The following ITGAM variants were observed in gnomAD, a reference collection of about 807,000 sequenced individuals.
ITGAM encodes the protein integrin subunit alpha M.
In ITGAM, 79 loss-of-function variants were observed where a neutral mutation model predicts 137.5. The observed-to-expected ratio is 0.57, with a 90% CI of 0.48 to 0.69. The LOEUF (loss-of-function observed/expected upper bound fraction) is 0.69. ITGAM is among the 30% of genes least tolerant of loss of function. ITGAM has a pLI of 0.00. For synonymous variants in ITGAM, 583 were observed against 592.3 expected, an observed-to-expected ratio of 0.98 and a Z score of 0.23; for missense variants, 1,343 against 1,483.5, an observed-to-expected ratio of 0.91 and a Z score of 1.56.
intron 14 of ITGAM, among the ~76,000 whole-genome samples, chr16:31,306,429 TG>T (rs1282840270): frequency 1.3e-5 from 2 of 152,274 alleles, no homozygotes; most frequent in Admixed American, 6.5e-5. Context: ...TAGAAATTTT[TG>T]ATAAGAATAT....
intron 5 of ITGAM, among the ~76,000 whole-genome samples, chr16:31,269,580 G>T (rs1408401279): frequency 6.6e-6 from 1 of 152,190 alleles, no homozygotes; most frequent in African/African-American, 2.4e-5. Context: ...ATTTTGCAAA[G>T]GCGGTTTCAG....
chr16:31,270,154 T>C (rs1257339149), intron 5 of ITGAM, among the ~76,000 whole-genome samples: 1 of 72,550 alleles, frequency 1.4e-5, no homozygotes, highest in Non-Finnish European at 2.9e-5. Flanking sequence ...TTTCCTTTCC[T>C]TTCCTTTCCT....
chr16:31,330,254 G>A, intron 26 of ITGAM, 54 bp from the exon 27 acceptor site: 1 of 1,588,156 alleles, frequency 6.3e-7, no homozygotes, highest in Non-Finnish European at 8.6e-7. Context: ...ACGGGGAGGG[G>A]TGTTCTCTGC....
chr16:31,266,260 A>T (rs1171991537), intron 5 of ITGAM, 113 bp downstream of exon 5: 1 of 714,694 alleles, frequency 1.4e-6, no homozygotes, highest in African/African-American at 1.8e-5. Flanking sequence ...GAGTGGGGGA[A>T]CTGGGTCCCA....
At chr16:31,300,589 TC>T (rs1336735023) in intron 14 of ITGAM, among the ~76,000 whole-genome samples, 2 of 152,166 alleles carry the variant, frequency 1.3e-5, no homozygotes, top group African/African-American at 4.8e-5. Context: ...AAAAAATGTC[TC>T]TTCAAGCCCT....
At chr16:31,298,030 C>T in intron 14 of ITGAM, 76 bp downstream of exon 14, 1 of 1,225,740 alleles carries the variant, frequency 8.2e-7, no homozygotes, top group Non-Finnish European at 1.2e-6. Context: ...GTGCCCACAG[C>T]TGCCAGATAA....
Position 31,324,872 on chromosome 16 carries a change from T to A in ITGAM, c.2290-86T>A. ...CATTTTATTTGATTGCATCTAATTT[T>A]ACTTCAACATTTGATTTTATTGTTT... On this transcript the variant is annotated intron_variant, in intron 18 of 29. Coordinates refer to ENST00000544665, the MANE Select transcript of ITGAM (RefSeq NM_000632.4). The surrounding 1 kb of genome is among the most constrained non-coding windows in gnomAD (Gnocchi z 4.5). The A allele has an allele frequency of 6.5e-7, 1 of 1,550,160 alleles. No individual in the cohort carries two copies. The highest frequency in any genetic ancestry group is 8.8e-7 in the Non-Finnish European group (1 of 1,141,726).
At chr16:31,281,566 T>A (rs1448874878) in intron 12 of ITGAM, among the ~76,000 whole-genome samples, 14 of 152,200 alleles carry the variant, frequency 9.2e-5, no homozygotes, top group Admixed American at 9.2e-4. Context: ...GGTGGTGATA[T>A]CCCCTTTCTC....
intron 12 of ITGAM, among the ~76,000 whole-genome samples, chr16:31,283,355 C>T (rs553105846): frequency 6.6e-6 from 1 of 152,298 alleles, no homozygotes; most frequent in East Asian, 1.9e-4. Flanking sequence ...TTCAGGTACA[C>T]CAATCAGACG....
intron 12 of ITGAM, among the ~76,000 whole-genome samples, chr16:31,296,301 T>C (rs9933937): frequency 0.25 from 37,456 of 149,960 alleles, 7,717 homozygotes; most frequent in African/African-American, 0.57. Context: ...TTAGTAGAGA[T>C]GGGGTTTCAC....
Position 31,325,369 on chromosome 16 carries a change from C to T in ITGAM, c.2470C>T (p.Leu824Phe), listed in dbSNP as rs2144494349. 6.2e-7 allele frequency: 1 copy of T among 1,613,854 alleles called. No homozygotes were observed. The highest frequency in any genetic ancestry group is 8.5e-7 in the Non-Finnish European group (1 of 1,179,784). Residue 824 changes from leucine (L) to phenylalanine (F), a missense_variant, in exon 20 of 30, where the codon CTT (leucine) becomes TTT (phenylalanine). Physicochemically the swap from Leu to Phe is conservative, Grantham distance 22. Coordinates refer to ENST00000544665, the MANE Select transcript of ITGAM (RefSeq NM_000632.4). Reference protein sequence around the residue: ...YRTQVTFFFPLDLSYRKVSTL... With the variant: ...YRTQVTFFFPFDLSYRKVSTL... ...GACACAGGTCACCTTCTTCTTCCCG[C>T]TTGACCTGTCCTACCGGAAGGTGTC...
chr16:31,330,570 C>G lies in ITGAM; in HGVS notation c.3241C>G (p.Leu1081Val), dbSNP rs375820016. The G allele has an allele frequency of 3.7e-6, 6 of 1,612,900 alleles. No homozygotes were observed. The highest frequency in any genetic ancestry group is 5.1e-6 in the Non-Finnish European group (6 of 1,179,228). The change falls in exon 28 of 30, where the codon CTG (leucine) becomes GTG (valine). Residue 1081 changes from leucine (L) to valine (V), a missense_variant. Transcript: ENST00000544665. ...EILFNDSVFT[L>V]LPGQGAFVRS... Reference sequence around the variant, plus strand: ...CTTGTTTAACGATTCCGTGTTCACCCTGCTGCCGGGACAGGGGGCGTTTGT... The same window carrying G: ...CTTGTTTAACGATTCCGTGTTCACCGTGCTGCCGGGACAGGGGGCGTTTGT...
In ITGAM at chr16:31,331,681, G is replaced by A. The variant is rs2080586085; in HGVS notation, c.3433G>A (p.Gly1145Ser). The A allele has an allele frequency of 2.5e-6, 4 of 1,609,184 alleles. No individual in the cohort carries two copies. The highest frequency in any genetic ancestry group is 1.1e-5 in the South Asian group (1 of 89,980). The change falls in exon 30 of 30, where the codon GGT (glycine) becomes AGT (serine). Residue 1145 changes from glycine (G) to serine (S), a missense_variant. Transcript: ENST00000544665. ...RQYKDMMSEG[G>S]PPGAEPQ ...ATACAAGGACATGATGAGTGAAGGG[G>A]GTCCCCCGGGGGCCGAACCCCAGTA...
intron 12 of ITGAM, among the ~76,000 whole-genome samples, chr16:31,293,255 G>A (rs750126743): frequency 1.3e-5 from 2 of 151,716 alleles, no homozygotes; most frequent in Admixed American, 1.3e-4. Flanking sequence ...TTAATTAGAT[G>A]CCATTTGTCA....
intron 28 of ITGAM, among the ~76,000 whole-genome samples, 196 bp downstream of exon 28, chr16:31,330,801 GAGAC>G (rs771574758): frequency 1.5e-4 from 12 of 81,050 alleles, no homozygotes; most frequent in African/African-American, 5.9e-4. Flanking sequence ...AACAGACACA[GAGAC>G]AGACAAAGGA....
At chr16:31,322,620 C>A (rs749950106) in intron 16 of ITGAM, among the ~76,000 whole-genome samples, 4 of 152,154 alleles carry the variant, frequency 2.6e-5, no homozygotes, top group Non-Finnish European at 4.4e-5. Flanking sequence ...TCCATTGAGA[C>A]AACTGACTAG....
At chr16:31,300,698 G>A (rs2080189048) in intron 14 of ITGAM, among the ~76,000 whole-genome samples, 1 of 152,156 alleles carries the variant, frequency 6.6e-6, no homozygotes. Context: ...ATCACCTGAG[G>A]TCAGGAGTTC....
At chr16:31,266,404 G>C (rs1057195087) in intron 5 of ITGAM, among the ~76,000 whole-genome samples, 7 of 137,238 alleles carry the variant, frequency 5.1e-5, no homozygotes, top group African/African-American at 1.7e-4. Flanking sequence ...GCAATGTAGT[G>C]AGATCCTGTC....
At chr16:31,298,395 G>GCACA (rs141373360) in intron 14 of ITGAM, among the ~76,000 whole-genome samples, 2 of 150,938 alleles carry the variant, frequency 1.3e-5, no homozygotes, top group African/African-American at 4.9e-5. Context: ...GCGTGCACGT[G>GCACA]CACACACACA....
Sources: gnomAD v4.1 joint callset for allele counts (sites outside exome capture counted in the v4.1 genomes callset) on GRCh38, gnomAD v4.1.1 for gene constraint, Gnocchi (gnomAD v3.1) non-coding constraint, MANE v1.5 for transcripts, NCBI Gene and HGNC (gene_info 2026-07-23, HGNC 2026-07-21) for gene names.